Variants in COL4A6 observed in about 807,000 individuals in gnomAD.
The protein encoded by COL4A6 is collagen type IV alpha 6 chain.
A neutral mutation model predicts 126.7 loss-of-function variants in COL4A6; 59 were observed. The ratio of observed to expected loss-of-function variants is 0.47; its 90% confidence interval spans 0.38 to 0.58. The LOEUF is 0.58. COL4A6 is among the 20% of genes least tolerant of loss of function. The pLI is 0.00. For synonymous variants in COL4A6, 547 were observed against 496.6 expected, an observed-to-expected ratio of 1.10 and a Z score of -1.35; for missense variants, 1,285 against 1,337.3, an observed-to-expected ratio of 0.96 and a Z score of 0.61.
intron 3 of COL4A6, among the ~76,000 whole-genome samples, chrX:108,225,114 C>T (rs999468164): frequency 1.8e-5 from 2 of 111,121 alleles, no homozygotes; most frequent in African/African-American, 3.3e-5. Flanking sequence ...CTAGTAGGAA[C>T]GGCATGGAAC....
chrX:108,205,493 G>C lies in COL4A6; in HGVS notation c.646-13C>G. On this transcript the variant is annotated splice_polypyrimidine_tract_variant and intron_variant, in intron 10 of 44. Coordinates refer to ENST00000334504, the MANE Select transcript of COL4A6 (RefSeq NM_033641.4). ...GCCCCATATTCCCCTAGGGAATAGGGATATAGGGAGGAAAAACAAAATCGA... is the reference window on the plus strand; with the variant it reads ...GCCCCATATTCCCCTAGGGAATAGGCATATAGGGAGGAAAAACAAAATCGA... 8.5e-7 allele frequency: 1 copy of C among 1,182,666 alleles called. No individual in the cohort carries two copies. The highest frequency in any genetic ancestry group is 1.1e-6 in the Non-Finnish European group (1 of 873,111).
At chrX:108,285,880 C>T (rs2037992973) in intron 3 of COL4A6, among the ~76,000 whole-genome samples, 1 of 111,577 alleles carries the variant, frequency 9.0e-6, no homozygotes, top group East Asian at 2.8e-4. Context: ...AAAAGAAATT[C>T]TGGGTAGGAG....
chrX:108,385,039 G>A (rs2040653111), intron 2 of COL4A6, among the ~76,000 whole-genome samples: 1 of 110,613 alleles, frequency 9.0e-6, no homozygotes, highest in Admixed American at 9.6e-5. Flanking sequence ...CAAGACCCCA[G>A]TTGGATGCCT....
At chrX:108,268,112 C>T (rs1302778206) in intron 3 of COL4A6, 1 of 111,563 alleles carries the variant, frequency 9.0e-6, no homozygotes, top group African/African-American at 3.3e-5. Context: ...CCATTGTGCC[C>T]TGAGCATTGG....
intron 2 of COL4A6, among the ~76,000 whole-genome samples, chrX:108,403,996 G>T (rs953843478): frequency 6.3e-5 from 7 of 111,469 alleles, no homozygotes; most frequent in African/African-American, 9.8e-5. Context: ...AGATTCAGAG[G>T]CTCCTTCTTT....
At chrX:108,228,859 A>G (rs2036236860) in intron 3 of COL4A6, among the ~76,000 whole-genome samples, 1 of 112,441 alleles carries the variant, frequency 8.9e-6, no homozygotes, top group African/African-American at 3.2e-5. Flanking sequence ...AAACCATACC[A>G]GTCATATGCA....
intron 2 of COL4A6, among the ~76,000 whole-genome samples, chrX:108,359,723 A>G (rs1488630379): frequency 8.9e-6 from 1 of 112,243 alleles, no homozygotes; most frequent in Non-Finnish European, 1.9e-5. Flanking sequence ...ACAGTGGGGG[A>G]CAGGTGTGAG....
At chrX:108,328,422 G>A (rs763058792) in intron 2 of COL4A6, among the ~76,000 whole-genome samples, 2 of 110,041 alleles carry the variant, frequency 1.8e-5, no homozygotes, top group Non-Finnish European at 3.8e-5. Context: ...AGGCAGAGAG[G>A]AAGAGGGAGA....
At chrX:108,165,148 T>G in intron 38 of COL4A6, 110 bp from the exon 39 acceptor site, 4 of 892,811 alleles carry the variant, frequency 4.5e-6, no homozygotes, top group Non-Finnish European at 6.3e-6. Context: ...ACAGAGAATG[T>G]TCCCTCACCA....
intron 2 of COL4A6, among the ~76,000 whole-genome samples, chrX:108,422,428 C>G (rs1462585001): frequency 9.0e-6 from 1 of 111,669 alleles, no homozygotes. Flanking sequence ...AATTTTGAAA[C>G]TGTTTCAAAA....
intron 2 of COL4A6, among the ~76,000 whole-genome samples, chrX:108,321,890 C>T (rs2039040463): frequency 9.1e-6 from 1 of 110,451 alleles, no homozygotes; most frequent in Admixed American, 9.7e-5. Context: ...CCACCTCCAC[C>T]ATGAGGTAGG....
At chrX:108,341,934 C>T (rs2039577126) in intron 2 of COL4A6, among the ~76,000 whole-genome samples, 2 of 112,176 alleles carry the variant, frequency 1.8e-5, no homozygotes, top group South Asian at 7.4e-4. Flanking sequence ...AGGCTGAAAG[C>T]CAGTCCAGAC....
chrX:108,188,595 A>G lies in COL4A6; in HGVS notation c.1509T>C (p.Gly503=). Reference sequence around the variant, plus strand: ...CTTTAAGGCCTGGAAGGCCTATGAGACCCCATGGACCAGGTGGGCCTGGTT... The same window carrying G: ...CTTTAAGGCCTGGAAGGCCTATGAGGCCCCATGGACCAGGTGGGCCTGGTT... The part of the protein sequence containing the change: ...PGEPGPPGPW[G]LIGLPGLKGA... The change falls in exon 21 of 45, where the codon GGT becomes GGC. Residue 503 remains glycine, a synonymous_variant. Coordinates refer to ENST00000334504, the MANE Select transcript of COL4A6 (RefSeq NM_033641.4). 8.3e-7 allele frequency: 1 copy of G among 1,199,055 alleles called. No homozygotes were observed. Among genetic ancestry groups the G allele is most frequent in the South Asian group, 1.8e-5 (1 of 54,293 alleles).
intron 3 of COL4A6, among the ~76,000 whole-genome samples, chrX:108,242,612 T>C (rs1239225308): frequency 1.8e-5 from 2 of 112,487 alleles, no homozygotes; most frequent in African/African-American, 6.5e-5. Context: ...TAAATGGTTT[T>C]TAGAAGACAC....
At chrX:108,410,782 C>T (rs192466544) in intron 2 of COL4A6, among the ~76,000 whole-genome samples, 153 of 111,909 alleles carry the variant, frequency 1.4e-3, no homozygotes, top group African/African-American at 4.3e-3. Context: ...AAGACTCCAG[C>T]CATTCATGAC....
intron 2 of COL4A6, among the ~76,000 whole-genome samples, chrX:108,340,767 C>T (rs1003526906): frequency 3.3e-5 from 3 of 89,942 alleles, no homozygotes; most frequent in Non-Finnish European, 6.2e-5. Flanking sequence ...ATAGGAATGA[C>T]AAATATCTAA....
chrX:108,241,651 G>A (rs968434612), intron 3 of COL4A6, among the ~76,000 whole-genome samples: 2 of 106,138 alleles, frequency 1.9e-5, no homozygotes, highest in Non-Finnish European at 3.9e-5. Context: ...CTGCACCTTA[G>A]CTACCATCAT....
intron 2 of COL4A6, among the ~76,000 whole-genome samples, chrX:108,402,842 CT>C (rs890791269): frequency 1.8e-5 from 2 of 110,847 alleles, no homozygotes; most frequent in African/African-American, 6.5e-5. Context: ...TTGTAATTTG[CT>C]TTAGGGCCGA....
chrX:108,288,422 T>C (rs1025801209), intron 3 of COL4A6, among the ~76,000 whole-genome samples: 7 of 111,624 alleles, frequency 6.3e-5, no homozygotes, highest in Non-Finnish European at 7.5e-5. Flanking sequence ...GAGACAGTAA[T>C]TCCAATTGGA....
Sources: gnomAD v4.1 joint callset for allele counts (sites outside exome capture counted in the v4.1 genomes callset) on GRCh38, gnomAD v4.1.1 for gene constraint, MANE v1.5 for transcripts, NCBI Gene and HGNC (gene_info 2026-07-23, HGNC 2026-07-21) for gene names.